Variants in CROCC2 observed in about 807,000 individuals in gnomAD.
CROCC2 encodes ciliary rootlet coiled-coil, rootletin family member 2, also known as ciliary rootlet coiled-coil protein 2.
In CROCC2, 163 loss-of-function variants were observed where a neutral mutation model predicts 177.6. That is an observed-to-expected ratio of 0.92 (90% confidence interval 0.81 to 1.05). The LOEUF is 1.05. Ranked by LOEUF, CROCC2 falls within the 50% of genes least tolerant of loss-of-function variation. CROCC2 has a pLI of 0.00. For missense variants in CROCC2, 1,929 were observed against 1,797.8 expected (o/e 1.07, Z -1.32); for synonymous variants, 904 against 787.3 (o/e 1.15, Z -2.48).
chr2:240,949,067 A>T lies in CROCC2; in HGVS notation c.2452A>T (p.Ser818Cys), dbSNP rs2059538633. The change falls in exon 16 of 32, where the codon AGC becomes TGC. Residue 818 changes from serine (S) to cysteine (C), a missense_variant. Physicochemically the swap from Ser to Cys is moderately radical, Grantham distance 112. This residue lies in a region of CROCC2 where 1,397 missense variants were observed against 1,239.9 expected (regional missense o/e 1.13). Coordinates refer to ENST00000690015, the MANE Select transcript of CROCC2 (RefSeq NM_001351305.2). The surrounding 1 kb of genome is among the most constrained non-coding windows in gnomAD (Gnocchi z 4.5). ...GGAGCAGCTGGAGGAGGAAGCCCGG[A>T]GCGCAGGACTCGCGCGGCAGGCCTT... Reference protein sequence around the residue: ...LQEQLEEEARSAGLARQALQV... With the variant: ...LQEQLEEEARCAGLARQALQV... 1.3e-6 allele frequency: 2 copies of T among 1,548,004 alleles called. No individual in the cohort carries two copies. Among genetic ancestry groups the T allele is most frequent in the Non-Finnish European group, 1.7e-6 (2 of 1,146,332 alleles).
chr2:240,926,385 A>G (rs1225103368), intron 5 of CROCC2, among the ~76,000 whole-genome samples: 1 of 152,048 alleles, frequency 6.6e-6, no homozygotes, highest in Non-Finnish European at 1.5e-5. Context: ...GGAGGGAGAC[A>G]TCCAGGTGTT....
At chr2:240,909,554 G>A (rs1041488807) in intron 1 of CROCC2, among the ~76,000 whole-genome samples, 4 of 152,214 alleles carry the variant, frequency 2.6e-5, no homozygotes, top group Admixed American at 6.5e-5. Context: ...GTAAGGGTTG[G>A]AGGGAGCTGC....
At chr2:240,966,855 G>T (rs2059687674) in intron 25 of CROCC2, among the ~76,000 whole-genome samples, 1 of 151,498 alleles carries the variant, frequency 6.6e-6, no homozygotes, top group African/African-American at 2.4e-5. Context: ...CACCTCGCTG[G>T]ATGACTCCAG....
At chr2:240,927,070 TC>T (rs2059399871) in intron 5 of CROCC2, among the ~76,000 whole-genome samples, 1 of 152,244 alleles carries the variant, frequency 6.6e-6, no homozygotes, top group African/African-American at 2.4e-5. Context: ...TGAGAACTGT[TC>T]TCACTGGTTG....
chr2:240,976,013 G>A (rs1018650039), intron 27 of CROCC2, among the ~76,000 whole-genome samples: 2 of 152,166 alleles, frequency 1.3e-5, no homozygotes, highest in South Asian at 4.1e-4. Flanking sequence ...TTACAGGAAT[G>A]AGCCACAGCG....
At position 240,963,774 on chromosome 2, in the gene CROCC2, G is replaced by A; in HGVS notation, c.3305+1G>A. 6.5e-7 allele frequency: 1 copy of A among 1,547,758 alleles called. No homozygotes were observed. The highest frequency in any genetic ancestry group is 1.8e-4 in the Middle Eastern group (1 of 5,690). ...GCAGGGCCGAACAGGAGAAGGCCAG[G>A]TATGGCGGCCACCCAGGAGCAGCTG... On this transcript the variant is annotated splice_donor_variant, in intron 21 of 31. Coordinates refer to ENST00000690015, the MANE Select transcript of CROCC2 (RefSeq NM_001351305.2). LOFTEE classifies it high-confidence loss of function.
At chr2:240,909,944 C>T (rs2059277113) in intron 1 of CROCC2, among the ~76,000 whole-genome samples, 1 of 152,082 alleles carries the variant, frequency 6.6e-6, no homozygotes, top group Non-Finnish European at 1.5e-5. Flanking sequence ...TGCAGGAGGC[C>T]CCCTGTGACC....
At chr2:240,915,765 C>T (rs4675852) in intron 1 of CROCC2, among the ~76,000 whole-genome samples, 6,737 of 152,178 alleles carry the variant, frequency 0.044, 332 homozygotes, top group East Asian at 0.23. Context: ...GGCCAGCTAC[C>T]CCTAGCGTAG....
At position 240,989,668 on chromosome 2, in the gene CROCC2, G is replaced by T. The variant is rs755385324; in HGVS notation, c.4698G>T (p.Glu1566Asp). 8.4e-6 allele frequency: 13 copies of T among 1,546,146 alleles called. No individual in the cohort carries two copies. Among genetic ancestry groups the T allele is most frequent in the Non-Finnish European group, 1.1e-5 (13 of 1,143,856 alleles). ...TCTCACTCCAGGCCCAGATGACAGA[G>T]ATGGAGCAGGCCCACACCCAGCGGC... ...QNQQLQAQMT[E>D]MEQAHTQRLQ... The change falls in exon 30 of 32, where the codon GAG (glutamate) becomes GAT (aspartate). Residue 1566 changes from glutamate to aspartate, a missense_variant. Physicochemically the swap from Glu to Asp is conservative, Grantham distance 45 (BLOSUM62 2). Coordinates refer to ENST00000690015, the MANE Select transcript of CROCC2 (RefSeq NM_001351305.2).
At chr2:240,930,053 G>A in intron 5 of CROCC2, 113 bp from the exon 6 acceptor site, 1 of 519,762 alleles carries the variant, frequency 1.9e-6, no homozygotes, top group Non-Finnish European at 3.5e-6. Context: ...GCTTTGGGAT[G>A]CTGGGTCCAC....
intron 1 of CROCC2, among the ~76,000 whole-genome samples, chr2:240,907,056 T>G (rs1170405367): frequency 1.3e-5 from 2 of 151,996 alleles, no homozygotes; most frequent in Admixed American, 6.5e-5. Flanking sequence ...GGCTGCGCAC[T>G]GGGGTGGGGA....
intron 28 of CROCC2, chr2:240,983,575 A>T: frequency 7.8e-7 from 1 of 1,280,174 alleles, no homozygotes; most frequent in South Asian, 1.2e-5. Context: ...CTCAGCTCGC[A>T]CAGGTAGGCG....
At position 240,930,984 on chromosome 2, in the gene CROCC2, C is replaced by T. The variant is rs1316659915; in HGVS notation, c.803C>T (p.Thr268Ile). The change falls in exon 7 of 32, where the codon ACC becomes ATC. Residue 268 changes from threonine to isoleucine, a missense_variant. Thr to Ile is a moderately conservative substitution (Grantham distance 89). Transcript: ENST00000690015. ...GCCAGGACAGCCCGCCGCCTGCACA[C>T]CGCCTGCCTGAACCTCGACTCCAAC... is the stretch of plus-strand genomic sequence containing the variant. ...DTARTARRLHTACLNLDSNLR... is the reference protein window; with the variant it reads ...DTARTARRLHIACLNLDSNLR... The T allele has an allele frequency of 1.4e-6, 1 of 715,870 alleles. No homozygotes were observed. Among genetic ancestry groups the T allele is most frequent in the South Asian group, 1.5e-5 (1 of 67,560 alleles). 44.3% of individuals were successfully genotyped at this position (715,870 alleles called of 1,614,324 possible).
At chr2:240,937,278 A>G (rs1211984455) in intron 14 of CROCC2, among the ~76,000 whole-genome samples, 1 of 152,246 alleles carries the variant, frequency 6.6e-6, no homozygotes, top group Non-Finnish European at 1.5e-5. Flanking sequence ...ATAACTGAAG[A>G]TATTGAACAC....
At chr2:240,912,172 A>G (rs568707175) in intron 1 of CROCC2, among the ~76,000 whole-genome samples, 40 of 152,294 alleles carry the variant, frequency 2.6e-4, no homozygotes, top group Non-Finnish European at 4.9e-4. Flanking sequence ...GTTGTTACTC[A>G]TACCACTTTT....
intron 20 of CROCC2, chr2:240,963,258 G>C (rs2106478805): frequency 4.4e-6 from 2 of 449,884 alleles, no homozygotes; most frequent in Admixed American, 3.5e-5. Context: ...GGTAGGCCTT[G>C]CTTACCAGTG....
intron 27 of CROCC2, among the ~76,000 whole-genome samples, chr2:240,980,325 T>C (rs200715157): frequency 2.5e-3 from 167 of 66,354 alleles, no homozygotes; most frequent in East Asian, 0.011. Context: ...CCCAGGCTCA[T>C]CCCTGCTCAG....
At chr2:240,921,850 T>C (rs1248766463) in intron 3 of CROCC2, among the ~76,000 whole-genome samples, 1 of 152,226 alleles carries the variant, frequency 6.6e-6, no homozygotes, top group East Asian at 1.9e-4. Context: ...CCAGGCCTGC[T>C]GCCCTCCCCT....
At chr2:240,921,154 G>T (rs1476819608) in intron 3 of CROCC2, among the ~76,000 whole-genome samples, 2 of 152,162 alleles carry the variant, frequency 1.3e-5, no homozygotes, top group African/African-American at 4.8e-5. Flanking sequence ...TGCCTGAGGG[G>T]TCCCCAGGGG....
Sources: gnomAD v4.1 joint callset for allele counts (sites outside exome capture counted in the v4.1 genomes callset) on GRCh38, gnomAD v4.1.1 for gene constraint, gnomAD v4.1.1 regional missense constraint, Gnocchi (gnomAD v3.1) non-coding constraint, MANE v1.5 for transcripts, NCBI Gene and HGNC (gene_info 2026-07-23, HGNC 2026-07-21) for gene names.